ACTL8: variants seen among roughly 807,000 people sequenced by gnomAD.
ACTL8 encodes the protein actin like 8.
ACTL8 carries 3 observed loss-of-function variants against 9.3 expected under a neutral mutation model. The observed-to-expected ratio is 0.32, with a 90% CI of 0.15 to 0.83. ACTL8 has a LOEUF of 0.83. Among genes scored for constraint, ACTL8 ranks in the 40% least tolerant of loss-of-function variants. The pLI is 0.57. For synonymous variants in ACTL8, 224 were observed against 205.9 expected (o/e 1.09, Z -0.75); for missense variants, 381 against 492.2 (o/e 0.77, Z 2.14).
At chr1:17,803,476 G>A (rs2066337967) in intron 1 of ACTL8, among the ~76,000 whole-genome samples, 1 of 152,154 alleles carries the variant, frequency 6.6e-6, no homozygotes, top group African/African-American at 2.4e-5. Flanking sequence ...GATTACAGAT[G>A]CCTGCCACCT....
At chr1:17,765,049 T>C (rs1045144963) in intron 1 of ACTL8, among the ~76,000 whole-genome samples, 1 of 152,006 alleles carries the variant, frequency 6.6e-6, no homozygotes. Context: ...CCAGCCAGAG[T>C]GGAGTTGGAA....
intron 1 of ACTL8, among the ~76,000 whole-genome samples, chr1:17,771,929 C>T (rs556420169): frequency 7.2e-6 from 1 of 137,988 alleles, no homozygotes; most frequent in South Asian, 2.2e-4. Context: ...GTATCTTGTC[C>T]TCTTCCTGCC....
chr1:17,793,336 AC>A (rs1367914189), intron 1 of ACTL8, among the ~76,000 whole-genome samples: 1 of 152,180 alleles, frequency 6.6e-6, no homozygotes, highest in Non-Finnish European at 1.5e-5. Flanking sequence ...GTGAGCACCT[AC>A]TGTGTGCACA....
At chr1:17,814,746 CAAA>C (rs1040396043) in intron 1 of ACTL8, among the ~76,000 whole-genome samples, 2 of 151,594 alleles carry the variant, frequency 1.3e-5, no homozygotes, top group Admixed American at 6.6e-5. Flanking sequence ...TATCTACCAA[CAAA>C]ACAAGACAAT....
intron 1 of ACTL8, among the ~76,000 whole-genome samples, chr1:17,763,480 G>A (rs1309784625): frequency 6.6e-6 from 1 of 152,060 alleles, no homozygotes; most frequent in Non-Finnish European, 1.5e-5. Context: ...GGGGTGGAGT[G>A]GGTCCCTCAA....
chr1:17,785,493 A>G (rs72929188), intron 1 of ACTL8, among the ~76,000 whole-genome samples: 3,708 of 152,298 alleles, frequency 0.024, 151 homozygotes, highest in African/African-American at 0.084. Context: ...TGTTGTGACA[A>G]TGAAATGAGC....
At position 17,812,501 on chromosome 1, in the gene ACTL8, C is replaced by T. The variant is rs146898007; in HGVS notation, c.-24-10484C>T. Among the ~76,000 whole-genome samples the T allele has an allele frequency of 3.9e-3, 578 of 147,338 alleles. 13 individuals carry two copies. In the East Asian group the frequency reaches 0.066, roughly 17 times the overall value. On this transcript the variant is annotated intron_variant, in intron 1 of 2. Transcript: ENST00000375406. ...GTGGAGTGCAATGGCGCAATCTCAG[C>T]TCACTGCAACCTCCGCCTCCCGGGC...
chr1:17,824,194 C>A (rs1304952512), intron 2 of ACTL8, among the ~76,000 whole-genome samples: 1 of 152,108 alleles, frequency 6.6e-6, no homozygotes, highest in East Asian at 1.9e-4. Context: ...GTGGGGAGTG[C>A]TTGGATTCTA....
intron 1 of ACTL8, among the ~76,000 whole-genome samples, chr1:17,764,123 G>A (rs1302254065): frequency 3.3e-5 from 5 of 152,208 alleles, no homozygotes; most frequent in African/African-American, 1.2e-4. Context: ...CATGGAGGCA[G>A]AAGCCTCTGG....
At position 17,826,070 on chromosome 1, in the gene ACTL8, C is replaced by G. The variant is rs753114996; in HGVS notation, c.652C>G (p.Leu218Val). 6.2e-7 allele frequency: 1 copy of G among 1,607,678 alleles called. No individual in the cohort carries two copies. Among genetic ancestry groups the G allele is most frequent in the East Asian group, 2.2e-5 (1 of 44,874 alleles). The change falls in exon 3 of 3, where the codon CTG (leucine) becomes GTG (valine). Residue 218 changes from leucine to valine, a missense_variant. Leu to Val is a conservative substitution (Grantham distance 32). This residue lies in a region of ACTL8 where 243 missense variants were observed against 276.2 expected (regional missense o/e 0.88). Transcript: ENST00000375406. This position sits in a 1 kb window ranked among gnomAD's most constrained non-coding sequence, Gnocchi z 4.5. ...QMNKCYVPQNLGEALDFRERQ... is the reference protein window; with the variant it reads ...QMNKCYVPQNVGEALDFRERQ... ...GAACAAGTGCTACGTGCCGCAGAAT[C>G]TGGGGGAGGCCCTGGACTTTCGTGA...
In ACTL8 at chr1:17,823,388, G is replaced by C; in HGVS notation, c.348+32G>C. 1 of 1,581,746 alleles carries C rather than the reference G, an allele frequency of 6.3e-7. No homozygotes were observed. Among genetic ancestry groups the C allele is most frequent in the Admixed American group, 1.7e-5 (1 of 57,670 alleles). On this transcript the variant is annotated intron_variant, in intron 2 of 2. Transcript: ENST00000375406. This position sits in a 1 kb window ranked among gnomAD's most constrained non-coding sequence, Gnocchi z 5.3. ...CCTGCCGGGGCCTGCTCCCACTCGGGAGCGGGAAACAGACTGACACTATGT... is the reference window on the plus strand; with the variant it reads ...CCTGCCGGGGCCTGCTCCCACTCGGCAGCGGGAAACAGACTGACACTATGT...
chr1:17,812,941 A>G (rs933850840), intron 1 of ACTL8, among the ~76,000 whole-genome samples: 1 of 152,208 alleles, frequency 6.6e-6, no homozygotes, highest in Non-Finnish European at 1.5e-5. Context: ...AACACTTTTC[A>G]GCGATTTATT....
intron 1 of ACTL8, among the ~76,000 whole-genome samples, chr1:17,804,390 C>G (rs1356506377): frequency 6.6e-6 from 1 of 152,152 alleles, no homozygotes; most frequent in African/African-American, 2.4e-5. Flanking sequence ...TGAACCTTCA[C>G]TTTGTCAAAA....
At chr1:17,793,696 C>T (rs2066257694) in intron 1 of ACTL8, among the ~76,000 whole-genome samples, 1 of 152,042 alleles carries the variant, frequency 6.6e-6, no homozygotes, top group South Asian at 2.1e-4. Flanking sequence ...GGCCACCTAC[C>T]CTGGTCTGGG....
chr1:17,759,598 A>G (rs1231010096), intron 1 of ACTL8, among the ~76,000 whole-genome samples: 1 of 152,160 alleles, frequency 6.6e-6, no homozygotes, highest in African/African-American at 2.4e-5. Flanking sequence ...CAAGGCCTGG[A>G]TATCAGCCCT....
intron 1 of ACTL8, among the ~76,000 whole-genome samples, chr1:17,802,383 C>T (rs1302283206): frequency 2.6e-5 from 4 of 151,758 alleles, no homozygotes; most frequent in Non-Finnish European, 5.9e-5. Context: ...GGAGTTGCAT[C>T]GTGCTGGCAC....
At chr1:17,778,967 GGCCCTGCCT>G (rs1402898487) in intron 1 of ACTL8, among the ~76,000 whole-genome samples, 2 of 152,198 alleles carry the variant, frequency 1.3e-5, no homozygotes, top group Non-Finnish European at 2.9e-5. Flanking sequence ...TGAGAAGCCA[GGCCCTGCCT>G]GCCTCTCCCC....
chr1:17,787,799 G>A (rs754710264), intron 1 of ACTL8, among the ~76,000 whole-genome samples: 6 of 152,116 alleles, frequency 3.9e-5, no homozygotes, highest in Non-Finnish European at 8.8e-5. Flanking sequence ...AAAGGTTTGT[G>A]TGCTGTTAAT....
intron 1 of ACTL8, among the ~76,000 whole-genome samples, chr1:17,779,978 G>A (rs190329960): frequency 3.3e-5 from 5 of 152,190 alleles, no homozygotes; most frequent in South Asian, 2.1e-4. Flanking sequence ...AGGCTGAGGC[G>A]GGAGGATTGC....
Sources: gnomAD v4.1 joint callset for allele counts (sites outside exome capture counted in the v4.1 genomes callset) on GRCh38, gnomAD v4.1.1 for gene constraint, gnomAD v4.1.1 regional missense constraint, Gnocchi (gnomAD v3.1) non-coding constraint, MANE v1.5 for transcripts, NCBI Gene and HGNC (gene_info 2026-07-23, HGNC 2026-07-21) for gene names.